BICDL1: variants seen among roughly 807,000 people sequenced by gnomAD.
BICDL1 encodes BICD family like cargo adaptor 1.
A neutral mutation model predicts 76.8 loss-of-function variants in BICDL1; 20 were observed. That is an observed-to-expected ratio of 0.26 (90% CI 0.18 to 0.38). The LOEUF (loss-of-function observed/expected upper bound fraction) is 0.38, where lower values mean the gene tolerates loss of function less well. Among genes scored for constraint, BICDL1 ranks in the 10% least tolerant of loss-of-function variants. The pLI is 1.00. For missense variants in BICDL1, 700 were observed against 798.6 expected (o/e 0.88, Z 1.49); for synonymous variants, 383 against 337.1 (o/e 1.14, Z -1.49).
rs763544265 is a variant in BICDL1, at chr12:120,071,679, G to A, written c.967G>A (p.Val323Met). 11 of 1,612,706 alleles carry A rather than the reference G, an allele frequency of 6.8e-6. No homozygotes were observed. Among genetic ancestry groups the A allele is most frequent in the South Asian group, 3.3e-5 (3 of 90,914 alleles). ...GCGTCTCTCCTGCCGACAGCTGCAG[G>A]TGAAGGTGGAAGAACTCACTGAGGA... The part of the protein sequence containing the change: ...EVRLSCRQLQ[V>M]KVEELTEERS... The change falls in exon 5 of 10, where the codon GTG becomes ATG. Residue 323 changes from valine (V) to methionine (M), a missense_variant. Val to Met is a conservative substitution (Grantham distance 21, BLOSUM62 1). Around this residue, in one of 3 missense-constraint regions of BICDL1, gnomAD observed 455 missense variants for 548.7 expected, o/e 0.83. Transcript: ENST00000548673. The surrounding 1 kb of genome is among the most constrained non-coding windows in gnomAD (Gnocchi z 4.8).
At chr12:120,034,509 T>C (rs185172185) in intron 2 of BICDL1, among the ~76,000 whole-genome samples, 1 of 152,212 alleles carries the variant, frequency 6.6e-6, no homozygotes, top group African/African-American at 2.4e-5. Flanking sequence ...TGACCCGTTT[T>C]GGGATGTAAG....
chr12:120,019,550 C>CA (rs1952137318), intron 2 of BICDL1, among the ~76,000 whole-genome samples: 1 of 151,974 alleles, frequency 6.6e-6, no homozygotes, highest in African/African-American at 2.4e-5. Context: ...AGGTAAATAA[C>CA]AGAGATGTGG....
rs184986212 is a variant in BICDL1, at chr12:120,047,996, A to T, written c.646-13714A>T. On this transcript the variant is annotated intron_variant, in intron 2 of 9. Coordinates refer to ENST00000548673, the MANE Select transcript of BICDL1 (RefSeq NM_001367886.1). ...AAGGTCTTTTAAAAATAAAATAAAA[A>T]AAACAAGCAAATGACTCCTTTCCTC... Among the ~76,000 whole-genome samples the T allele has an allele frequency of 7.7e-4, 117 of 152,324 alleles. 1 individual carries two copies. The highest frequency in any genetic ancestry group is 2.6e-3 in the African/African-American group (107 of 41,576).
intron 9 of BICDL1, chr12:120,091,171 T>A: frequency 1.7e-6 from 2 of 1,203,452 alleles, no homozygotes; most frequent in South Asian, 3.0e-5. Context: ...AGCTCCCTCC[T>A]CCATCACAGT....
chr12:120,040,577 G>A lies in BICDL1; in HGVS notation c.646-21133G>A, dbSNP rs940818041. On this transcript the variant is annotated intron_variant, in intron 2 of 9. Transcript: ENST00000548673. ...ACTATAGGCATACACTACCACACCC[G>A]GCTAATTTTTTTGTATTTCTTGTAG... Among the ~76,000 whole-genome samples the A allele has an allele frequency of 7.9e-5, 12 of 151,718 alleles. No individual in the cohort carries two copies. In the South Asian group the frequency reaches 1.7e-3, roughly 21 times the overall value.
chr12:120,055,658 A>C (rs181386556), intron 2 of BICDL1, among the ~76,000 whole-genome samples: 1 of 152,238 alleles, frequency 6.6e-6, no homozygotes, highest in Admixed American at 6.5e-5. Flanking sequence ...TTTTTGCTTC[A>C]TCATGCAATC....
At chr12:120,027,752 T>C (rs927677429) in intron 2 of BICDL1, among the ~76,000 whole-genome samples, 1 of 152,236 alleles carries the variant, frequency 6.6e-6, no homozygotes, top group Non-Finnish European at 1.5e-5. Flanking sequence ...CTCTTGGGTA[T>C]AGTGTAGTAA....
In BICDL1 at chr12:120,064,804, G is replaced by T; in HGVS notation, c.834G>T (p.Leu278=). 6.2e-7 allele frequency: 1 copy of T among 1,613,828 alleles called. No homozygotes were observed. ...RLSATLEEND[L]LQGTVEELQD... ...GCGCTACTTTAGAGGAAAATGACCT[G>T]CTCCAAGGGACCGTGGAGGAGCTAC... Residue 278 remains leucine (L), a synonymous_variant, in exon 4 of 10, where the codon CTG becomes CTT. Coordinates refer to ENST00000548673, the MANE Select transcript of BICDL1 (RefSeq NM_001367886.1).
intron 2 of BICDL1, among the ~76,000 whole-genome samples, chr12:120,043,887 G>C (rs767173863): frequency 3.9e-5 from 6 of 152,234 alleles, no homozygotes; most frequent in Non-Finnish European, 4.4e-5. Context: ...CTGCCCTTAA[G>C]TCTTTTCCAG....
Position 120,075,848 on chromosome 12 carries a change from C to T in BICDL1, c.1452+1262C>T, listed in dbSNP as rs1873504961. Among the ~76,000 whole-genome samples, 3 of 152,202 alleles carry T rather than the reference C, an allele frequency of 2.0e-5. No individual in the cohort carries two copies. In the South Asian group the frequency reaches 6.2e-4, roughly 32 times the overall value. ...TCTGTGAGTGACCAGATAACAAGGA[C>T]ACAAAGATGCCATTTCAATCTGTGG... On this transcript the variant is annotated intron_variant, in intron 7 of 9. Transcript: ENST00000548673.
Position 120,089,375 on chromosome 12 carries a change from C to CGT in BICDL1, c.1584-562_1584-561dup, listed in dbSNP as rs146342326. Among the ~76,000 whole-genome samples the CGT allele has an allele frequency of 1.1e-4, 17 of 148,720 alleles. No homozygotes were observed. In the South Asian group the frequency reaches 1.3e-3, roughly 11 times the overall value. On this transcript the variant is annotated intron_variant, in intron 8 of 9. Transcript: ENST00000548673. ...GTGTGACGGAGTTCTGCTCTTTCAA[C>CGT]GTGTGTGTGTGTGTGGTGTGTGTGT...
intron 2 of BICDL1, among the ~76,000 whole-genome samples, chr12:120,020,594 A>G (rs11064997): frequency 0.086 from 13,091 of 152,236 alleles, 678 homozygotes; most frequent in African/African-American, 0.14. Context: ...ATGCCTGCTC[A>G]TGTTTATAGA....
intron 2 of BICDL1, among the ~76,000 whole-genome samples, chr12:120,043,074 C>T (rs1159838572): frequency 6.6e-6 from 1 of 152,268 alleles, no homozygotes; most frequent in Non-Finnish European, 1.5e-5. Context: ...ATTATGTGAC[C>T]TAATCTTGGC....
intron 1 of BICDL1, chr12:119,993,028 A>G (rs1210416040): frequency 7.5e-6 from 1 of 134,116 alleles, no homozygotes; most frequent in Non-Finnish European, 1.5e-5. Context: ...ATCTCAGCTC[A>G]CTGCAAGCTC....
In BICDL1 at chr12:120,071,574, T is replaced by C. The variant is rs1555291825; in HGVS notation, c.910-48T>C. On this transcript the variant is annotated intron_variant, in intron 4 of 9. Coordinates refer to ENST00000548673, the MANE Select transcript of BICDL1 (RefSeq NM_001367886.1). This position sits in a 1 kb window ranked among gnomAD's most constrained non-coding sequence, Gnocchi z 4.8. ...GATCAGGTTGAGGGTCAGTTTGTCTTGGTTTTTGTGTTTGGTAAACCTCAA... is the reference window on the plus strand; with the variant it reads ...GATCAGGTTGAGGGTCAGTTTGTCTCGGTTTTTGTGTTTGGTAAACCTCAA... The C allele has an allele frequency of 1.3e-6, 2 of 1,547,400 alleles. No homozygotes were observed. Among genetic ancestry groups the C allele is most frequent in the South Asian group, 1.2e-5 (1 of 80,336 alleles).
At chr12:120,006,071 C>T (rs1951845082) in intron 2 of BICDL1, among the ~76,000 whole-genome samples, 1 of 152,144 alleles carries the variant, frequency 6.6e-6, no homozygotes, top group South Asian at 2.1e-4. Flanking sequence ...ATTCTGTATG[C>T]ATACATAGTA....
intron 2 of BICDL1, among the ~76,000 whole-genome samples, chr12:120,026,025 A>G (rs1289216613): frequency 6.6e-6 from 1 of 151,940 alleles, no homozygotes; most frequent in Non-Finnish European, 1.5e-5. Context: ...TTTATTAGAG[A>G]TGGGGTTTCG....
At chr12:120,045,580 T>G (rs1192545128) in intron 2 of BICDL1, among the ~76,000 whole-genome samples, 1 of 151,934 alleles carries the variant, frequency 6.6e-6, no homozygotes, top group Non-Finnish European at 1.5e-5. Context: ...CGTGGAATAC[T>G]ATGCAGCCAT....
chr12:120,060,565 T>G (rs577866612), intron 2 of BICDL1, among the ~76,000 whole-genome samples: 1 of 152,256 alleles, frequency 6.6e-6, no homozygotes, highest in African/African-American at 2.4e-5. Flanking sequence ...AATTTAAAGG[T>G]TAGAGGGTAT....
Sources: gnomAD v4.1 joint callset for allele counts (sites outside exome capture counted in the v4.1 genomes callset) on GRCh38, gnomAD v4.1.1 for gene constraint, gnomAD v4.1.1 regional missense constraint, Gnocchi (gnomAD v3.1) non-coding constraint, MANE v1.5 for transcripts, NCBI Gene and HGNC (gene_info 2026-07-23, HGNC 2026-07-21) for gene names.